PTPN2: variants seen among roughly 807,000 people sequenced by gnomAD.
PTPN2 encodes tyrosine-protein phosphatase non-receptor type 2.
In PTPN2, 19 loss-of-function variants were observed where a neutral mutation model predicts 57.3. The ratio of observed to expected loss-of-function variants is 0.33; its 90% confidence interval spans 0.23 to 0.49. The LOEUF is 0.49. PTPN2 is among the 20% of genes least tolerant of loss of function. The pLI is 0.99. For missense variants in PTPN2, 358 were observed against 501.1 expected, an observed-to-expected ratio of 0.71 and a Z score of 2.73; for synonymous variants, 153 against 164.9, an observed-to-expected ratio of 0.93 and a Z score of 0.55.
intron 2 of PTPN2, among the ~76,000 whole-genome samples, chr18:12,858,598 CT>C (rs2145472603): frequency 6.6e-6 from 1 of 152,230 alleles, no homozygotes; most frequent in East Asian, 1.9e-4. Context: ...AAGAAAAGAG[CT>C]ACAAATGAGT....
At chr18:12,866,957 A>G (rs1711931276) in intron 1 of PTPN2, among the ~76,000 whole-genome samples, 1 of 151,800 alleles carries the variant, frequency 6.6e-6, no homozygotes, top group African/African-American at 2.4e-5. Context: ...GTGAGCCGAG[A>G]TCGCGCCACT....
chr18:12,794,716 C>G (rs370752336), intron 8 of PTPN2, among the ~76,000 whole-genome samples: 1 of 152,090 alleles, frequency 6.6e-6, no homozygotes, highest in Non-Finnish European at 1.5e-5. Context: ...CTGCCTCCCA[C>G]GCTCAAGTGA....
At chr18:12,855,008 A>T (rs989196046) in intron 2 of PTPN2, among the ~76,000 whole-genome samples, 2 of 152,182 alleles carry the variant, frequency 1.3e-5, no homozygotes, top group African/African-American at 4.8e-5. Context: ...AAAATTAGCC[A>T]GGCGTCATGG....
At chr18:12,879,563 G>A (rs2044601883) in intron 1 of PTPN2, among the ~76,000 whole-genome samples, 2 of 152,184 alleles carry the variant, frequency 1.3e-5, no homozygotes, top group South Asian at 4.1e-4. Context: ...CTCTGAAGAA[G>A]TAATAAAAAA....
chr18:12,797,676 C>G (rs2041244228), intron 8 of PTPN2, among the ~76,000 whole-genome samples: 1 of 152,136 alleles, frequency 6.6e-6, no homozygotes, highest in South Asian at 2.1e-4. Flanking sequence ...GAAATTATGT[C>G]TGTGTAATGA....
intron 1 of PTPN2, among the ~76,000 whole-genome samples, chr18:12,877,632 A>C (rs886347848): frequency 1.7e-4 from 26 of 152,376 alleles, no homozygotes; most frequent in African/African-American, 5.5e-4. Context: ...AACAGTGTGC[A>C]CTTGATATCT....
chr18:12,866,624 GA>G (rs1323416717), intron 1 of PTPN2, among the ~76,000 whole-genome samples: 1 of 152,074 alleles, frequency 6.6e-6, no homozygotes, highest in Admixed American at 6.5e-5. Flanking sequence ...TTGGGGTGTT[GA>G]AAATATTCTG....
chr18:12,833,525 T>C (rs1037765711), intron 3 of PTPN2, among the ~76,000 whole-genome samples: 2 of 152,116 alleles, frequency 1.3e-5, no homozygotes, highest in Non-Finnish European at 2.9e-5. Context: ...AAAAAGGTCC[T>C]AATACAGAGA....
intron 1 of PTPN2, among the ~76,000 whole-genome samples, chr18:12,870,415 G>GTA (rs1318941068): frequency 4.5e-5 from 2 of 44,302 alleles, no homozygotes; most frequent in Non-Finnish European, 7.4e-5. Context: ...GTATATATAT[G>GTA]TATATATATA....
At chr18:12,847,958 G>A (rs2043270127) in intron 2 of PTPN2, among the ~76,000 whole-genome samples, 1 of 150,634 alleles carries the variant, frequency 6.6e-6, no homozygotes, top group Non-Finnish European at 1.5e-5. Context: ...GACCCTAACA[G>A]TGAGTGAGAA....
intron 4 of PTPN2, among the ~76,000 whole-genome samples, chr18:12,827,631 T>C (rs1419946944): frequency 2.0e-5 from 3 of 151,538 alleles, no homozygotes; most frequent in Admixed American, 6.6e-5. Flanking sequence ...GTGACCCTCC[T>C]GCCTCAGCCT....
rs771588337 is a variant in PTPN2, at chr18:12,801,980, TCTC to T, written c.1027_1029del (p.Glu343del). On this transcript the variant is annotated inframe_deletion, in exon 8 of 9. Coordinates refer to ENST00000309660, the MANE Select transcript of PTPN2 (RefSeq NM_002828.4). The stretch of plus-strand genomic sequence containing the variant: ...TTATAGAAAGCTTACCTCTCACTGT[TCTC>T]CTCCATTGTATCTTGCATTTTAGAG... 85 of 1,601,862 alleles carry T rather than the reference TCTC, an allele frequency of 5.3e-5. No homozygotes were observed. The East Asian group carries it at 1.7e-3, about 32-fold the overall frequency.
intron 2 of PTPN2, among the ~76,000 whole-genome samples, chr18:12,848,742 G>A (rs1261149167): frequency 2.6e-5 from 4 of 152,246 alleles, no homozygotes; most frequent in African/African-American, 9.6e-5. Context: ...TGTGGGGTTA[G>A]TCAACCCCTA....
chr18:12,807,586 A>AAAAAAATAT lies in PTPN2; in HGVS notation c.859-5436_859-5435insATATTTTTT. On this transcript the variant is annotated intron_variant, in intron 7 of 8. Coordinates refer to ENST00000309660, the MANE Select transcript of PTPN2 (RefSeq NM_002828.4). ...AAATGTGGAAAAAAAAAAAAAAAAA[A>AAAAAAATAT]ATATATATATATATATATAATATAA... Among the ~76,000 whole-genome samples, 125 of 35,142 alleles carry AAAAAAATAT rather than the reference A, an allele frequency of 3.6e-3. 3 individuals carry two copies. The highest frequency in any genetic ancestry group is 0.011 in the East Asian group (8 of 722). 23.1% of individuals were successfully genotyped at this position (35,142 alleles called of 152,430 possible).
intron 7 of PTPN2, among the ~76,000 whole-genome samples, chr18:12,811,276 T>C (rs1472785127): frequency 6.6e-6 from 1 of 152,146 alleles, no homozygotes; most frequent in Non-Finnish European, 1.5e-5. Context: ...CCCACAAAAA[T>C]GTTAAATTGT....
intron 1 of PTPN2, among the ~76,000 whole-genome samples, chr18:12,874,301 G>C (rs2044392228): frequency 7.5e-6 from 1 of 133,040 alleles, no homozygotes; most frequent in African/African-American, 2.9e-5. Context: ...GGAGGGAGGT[G>C]GGGGGGTCAG....
At chr18:12,855,367 A>G (rs1441027657) in intron 2 of PTPN2, among the ~76,000 whole-genome samples, 2 of 152,046 alleles carry the variant, frequency 1.3e-5, no homozygotes, top group Non-Finnish European at 2.9e-5. Flanking sequence ...ATGAGATAGA[A>G]AGAGGCTGAA....
chr18:12,875,900 T>C (rs773320057), intron 1 of PTPN2, among the ~76,000 whole-genome samples: 2 of 152,132 alleles, frequency 1.3e-5, no homozygotes, highest in Non-Finnish European at 2.9e-5. Flanking sequence ...AGAGTAACTA[T>C]CTGGAAAAAG....
intron 2 of PTPN2, among the ~76,000 whole-genome samples, chr18:12,851,943 C>G (rs943278770): frequency 6.6e-6 from 1 of 151,912 alleles, no homozygotes; most frequent in South Asian, 2.1e-4. Flanking sequence ...ATAAACCAGT[C>G]GCAGAAAGAC....
Sources: gnomAD v4.1 joint callset for allele counts (sites outside exome capture counted in the v4.1 genomes callset) on GRCh38, gnomAD v4.1.1 for gene constraint, MANE v1.5 for transcripts, NCBI Gene and HGNC (gene_info 2026-07-23, HGNC 2026-07-21) for gene names.